CUL2: variants seen among roughly 807,000 people sequenced by gnomAD.
The protein encoded by CUL2 is cullin-2.
CUL2 carries 22 observed loss-of-function variants against 110.2 expected under a neutral mutation model. That is an observed-to-expected ratio of 0.20 (90% confidence interval 0.14 to 0.28). The LOEUF (loss-of-function observed/expected upper bound fraction) is 0.28, where lower values mean the gene tolerates loss of function less well. Among genes scored for constraint, CUL2 ranks in the 10% least tolerant of loss-of-function variants. The pLI is 1.00. For missense variants in CUL2, 631 were observed against 905.5 expected (o/e 0.70, Z 3.89); for synonymous variants, 279 against 293.2 (o/e 0.95, Z 0.49).
intron 1 of CUL2, among the ~76,000 whole-genome samples, chr10:35,108,784 T>TA (rs1589067273): frequency 1.3e-5 from 2 of 152,214 alleles, no homozygotes; most frequent in East Asian, 3.8e-4. Flanking sequence ...CAAACCCACT[T>TA]ACATTACTGT....
At chr10:35,015,969 G>A (rs775589058) in intron 18 of CUL2, among the ~76,000 whole-genome samples, 3 of 152,174 alleles carry the variant, frequency 2.0e-5, no homozygotes, top group Non-Finnish European at 4.4e-5. Context: ...TAACAGTATA[G>A]GACAAATAAA....
chr10:35,033,125 G>A (rs1425804762), intron 11 of CUL2, 41 bp downstream of exon 11: 3 of 1,258,070 alleles, frequency 2.4e-6, no homozygotes, highest in African/African-American at 1.5e-5. Flanking sequence ...GAATGATAGA[G>A]TTTTATGTAC....
At chr10:35,071,571 A>AT (rs751555798) in intron 1 of CUL2, among the ~76,000 whole-genome samples, 43 of 152,046 alleles carry the variant, frequency 2.8e-4, no homozygotes, top group Non-Finnish European at 3.8e-4. Context: ...TGCCCAGCTA[A>AT]TTTTTTGTAT....
At chr10:35,042,838 C>T (rs1489451379) in intron 8 of CUL2, among the ~76,000 whole-genome samples, 1 of 152,162 alleles carries the variant, frequency 6.6e-6, no homozygotes, top group East Asian at 1.9e-4. Flanking sequence ...AGGACTTCAA[C>T]TTGAAAGCCA....
intron 2 of CUL2, among the ~76,000 whole-genome samples, chr10:35,098,448 C>T (rs568429858): frequency 4.6e-5 from 7 of 152,092 alleles, no homozygotes; most frequent in African/African-American, 1.2e-4. Context: ...ACCCCAGGCA[C>T]GGTGGCTTAC....
chr10:35,040,381 C>A (rs796482429), intron 8 of CUL2, among the ~76,000 whole-genome samples: 4 of 152,104 alleles, frequency 2.6e-5, no homozygotes, highest in Non-Finnish European at 5.9e-5. Context: ...ACAAATGCAC[C>A]GGCTTGGAAA....
chr10:35,018,312 A>G (rs1455554200), intron 17 of CUL2, among the ~76,000 whole-genome samples: 1 of 147,676 alleles, frequency 6.8e-6, no homozygotes. Context: ...AAAAAAAAAA[A>G]AAGATGAAAT....
In CUL2 at chr10:35,016,146, C is replaced by G. The variant is rs758759504; in HGVS notation, c.1887+46G>C. ...AAACTGCAAACATCTCATGAAAAAG[C>G]TTTAATGCTGATGATGCTTAAATTC... is the stretch of plus-strand genomic sequence containing the variant. On this transcript the variant is annotated intron_variant, in intron 18 of 20. Coordinates refer to ENST00000374749, the MANE Select transcript of CUL2 (RefSeq NM_003591.4). 16 of 1,504,020 alleles carry G rather than the reference C, an allele frequency of 1.1e-5. No individual in the cohort carries two copies. In the South Asian group the frequency reaches 1.5e-4, roughly 14 times the overall value. 93.2% of individuals were successfully genotyped at this position (1,504,020 alleles called of 1,614,324 possible). A position where few individuals can be genotyped will look rare whatever the true frequency, so the allele number is the denominator to read the frequency against.
upstream of CUL2, among the ~76,000 whole-genome samples, chr10:35,092,291 G>A (rs2087222731): frequency 6.6e-6 from 1 of 152,128 alleles, no homozygotes; most frequent in South Asian, 2.1e-4. Flanking sequence ...TTTTTGTACT[G>A]ATGGTGCAAA....
intron 17 of CUL2, 60 bp downstream of exon 17, chr10:35,025,072 T>G: frequency 7.0e-7 from 1 of 1,423,488 alleles, no homozygotes; most frequent in South Asian, 1.7e-5. Flanking sequence ...AACCTCTTTC[T>G]AAATTAATAT....
intron 4 of CUL2, among the ~76,000 whole-genome samples, chr10:35,058,193 T>G (rs762933978): frequency 6.6e-6 from 1 of 152,210 alleles, no homozygotes; most frequent in African/African-American, 2.4e-5. Context: ...ATGCTGATTC[T>G]ATAAAGGGAA....
intron 1 of CUL2, among the ~76,000 whole-genome samples, chr10:35,089,214 C>A (rs2087138577): frequency 6.6e-6 from 1 of 152,144 alleles, no homozygotes; most frequent in Admixed American, 6.6e-5. Context: ...TCTCACGCGA[C>A]TCTTTTGGAA....
chr10:35,047,181 A>G lies in CUL2; in HGVS notation c.507-2313T>C, dbSNP rs113067461. Among the ~76,000 whole-genome samples, 951 of 152,306 alleles carry G rather than the reference A, an allele frequency of 6.2e-3. 12 individuals are homozygous for G. Among genetic ancestry groups the G allele is most frequent in the African/African-American group, 0.022 (901 of 41,580 alleles). On this transcript the variant is annotated intron_variant, in intron 6 of 20. Transcript: ENST00000374749. The stretch of plus-strand genomic sequence containing the variant: ...CTAGAAAACAATTTTAAATATCAGG[A>G]ATTCTATTCACTGTAAAAGAAAGAT...
chr10:35,040,346 A>G lies in CUL2; in HGVS notation c.715-1264T>C, dbSNP rs1405178435. On this transcript the variant is annotated intron_variant, in intron 8 of 20. Coordinates refer to ENST00000374749, the MANE Select transcript of CUL2 (RefSeq NM_003591.4). ...AAGAATTTGACTAATTTCTGTCTCA[A>G]GACAAAACAACAACATATACACAGA... 9.9e-5 allele frequency among the ~76,000 whole-genome samples: 15 copies of G among 152,222 alleles called. 1 individual carries two copies. The highest frequency in any genetic ancestry group is 9.2e-4 in the Admixed American group (14 of 15,282).
In CUL2 at chr10:35,025,160, T is replaced by C; in HGVS notation, c.1656A>G (p.Lys552=). Residue 552 remains lysine (K), a synonymous_variant, in exon 17 of 21, where the codon AAA becomes AAG. Transcript: ENST00000374749. ...TACACAGATAATGTAACCATGTAAG[T>C]TTCCTTCCACTGAAATGTTGGCTAT... ...LFYSQHFSGR[K]LTWLHYLCTG... The C allele has an allele frequency of 6.3e-7, 1 of 1,577,390 alleles. No individual in the cohort carries two copies. The highest frequency in any genetic ancestry group is 8.6e-7 in the Non-Finnish European group (1 of 1,166,690).
chr10:35,082,546 G>T (rs1307566374), intron 1 of CUL2, among the ~76,000 whole-genome samples: 1 of 152,118 alleles, frequency 6.6e-6, no homozygotes, highest in Non-Finnish European at 1.5e-5. Context: ...CTTAATGACG[G>T]TTAAAATGGT....
At chr10:35,126,606 TCGAGACCCTGAAGACCTGAC>T (rs1173087945) in exon 1 of CUL2, 5 of 152,194 alleles carry the variant, frequency 3.3e-5, no homozygotes, top group Non-Finnish European at 5.9e-5. Context: ...GAAACCGACC[TCGAGACCCTGAAGACCTGAC>T]AACAGCCGTT....
chr10:35,076,433 C>T (rs1266877098), intron 1 of CUL2, among the ~76,000 whole-genome samples: 1 of 152,130 alleles, frequency 6.6e-6, no homozygotes, highest in Non-Finnish European at 1.5e-5. Context: ...AGCTGCTATA[C>T]ATTTAACAAT....
chr10:35,047,888 G>C (rs186130091), intron 6 of CUL2, among the ~76,000 whole-genome samples: 28 of 151,916 alleles, frequency 1.8e-4, no homozygotes, highest in Admixed American at 5.3e-4. Flanking sequence ...CTAGTAGACA[G>C]AGTGGGAATC....
Sources: gnomAD v4.1 joint callset for allele counts (sites outside exome capture counted in the v4.1 genomes callset) on GRCh38, gnomAD v4.1.1 for gene constraint, MANE v1.5 for transcripts, NCBI Gene and HGNC (gene_info 2026-07-23, HGNC 2026-07-21) for gene names.